The following ADAMTSL1 variants were observed in gnomAD, a reference collection of about 807,000 sequenced individuals.
The protein encoded by ADAMTSL1 is ADAMTS like 1.
ADAMTSL1 carries 126 observed loss-of-function variants against 201.8 expected under a neutral mutation model. That is an observed-to-expected ratio of 0.62 (90% CI 0.54 to 0.72). The LOEUF (loss-of-function observed/expected upper bound fraction) is 0.72, where lower values mean the gene tolerates loss of function less well. Among genes scored for constraint, ADAMTSL1 ranks in the 30% least tolerant of loss-of-function variants. The probability of loss-of-function intolerance (pLI) is 0.00; values close to 1 mark genes in which losing one functional copy is unlikely to be tolerated. For synonymous variants in ADAMTSL1, 1,121 were observed against 903.4 expected (o/e 1.24, Z -4.32); for missense variants, 2,679 against 2,277.8 (o/e 1.18, Z -3.59).
rs201140119 is a variant in ADAMTSL1 at position 18,205,840 on chromosome 9, G to A, written c.207+41859G>A. 1.3e-4 allele frequency among the ~76,000 whole-genome samples: 20 copies of A among 152,012 alleles called. No individual in the cohort carries two copies. The East Asian group carries it at 3.9e-3, about 29-fold the overall frequency. On this transcript the variant is annotated intron_variant, in intron 2 of 29. Coordinates refer to the ADAMTSL1 transcript ENST00000680146. ...AGGCTGAGGTGAGTGGATCACCTGA[G>A]GTCAGGAGTTCGAGACCAGCCTGGG...
chr9:18,460,254 A>G (rs1820758653), intron 2 of ADAMTSL1, among the ~76,000 whole-genome samples: 1 of 152,220 alleles, frequency 6.6e-6, no homozygotes, highest in South Asian at 2.1e-4. Flanking sequence ...GTTTTTCAAA[A>G]TAGTAAATAA....
At chr9:18,217,880 A>G (rs1454345277) in intron 2 of ADAMTSL1, among the ~76,000 whole-genome samples, 1 of 152,036 alleles carries the variant, frequency 6.6e-6, no homozygotes, top group Non-Finnish European at 1.5e-5. Context: ...CCTTGAGGCA[A>G]TGTACGTGCT....
chr9:18,395,556 T>A (rs1220142011), intron 2 of ADAMTSL1, among the ~76,000 whole-genome samples: 1 of 152,128 alleles, frequency 6.6e-6, no homozygotes, highest in Non-Finnish European at 1.5e-5. Flanking sequence ...TCTGATAGGG[T>A]ATTTATCTGG....
chr9:18,088,156 G>C (rs1192404714), intron 1 of ADAMTSL1, among the ~76,000 whole-genome samples: 1 of 152,154 alleles, frequency 6.6e-6, no homozygotes, highest in African/African-American at 2.4e-5. Context: ...GGAAAGGATA[G>C]TCTCTTCAAC....
At chr9:18,248,420 A>G (rs1003713742) in intron 2 of ADAMTSL1, among the ~76,000 whole-genome samples, 3 of 152,168 alleles carry the variant, frequency 2.0e-5, no homozygotes, top group African/African-American at 7.2e-5. Flanking sequence ...GTATTCAGCC[A>G]GTTCAGGAGC....
At position 18,498,338 on chromosome 9, in the gene ADAMTSL1, C is replaced by CT. The variant is rs1338838478; in HGVS notation, c.64-6476dup. ...GAAGTATCAATGTTCCCCCCACCCCCTTTTTTTTTTTTTTTGAGATGGGAT... is the reference window on the plus strand; with the variant it reads ...GAAGTATCAATGTTCCCCCCACCCCCTTTTTTTTTTTTTTTTGAGATGGGAT... On this transcript the variant is annotated intron_variant, in intron 1 of 28. Transcript: ENST00000380548. Among the ~76,000 whole-genome samples, 151 of 141,012 alleles carry CT rather than the reference C, an allele frequency of 1.1e-3. 1 individual carries two copies. Among genetic ancestry groups the CT allele is most frequent in the South Asian group, 2.9e-3 (12 of 4,086 alleles). The allele number at this position is 141,012 out of a possible 152,430, so 92.5% of individuals were successfully genotyped here.
chr9:18,052,798 G>T (rs1190666789), intron 1 of ADAMTSL1, among the ~76,000 whole-genome samples: 2 of 148,768 alleles, frequency 1.3e-5, no homozygotes, highest in African/African-American at 5.2e-5. Flanking sequence ...AGTGGGGGTG[G>T]GGGTGACATG....
At chr9:18,628,166 C>T (rs61306632) in intron 5 of ADAMTSL1, among the ~76,000 whole-genome samples, 2,826 of 147,532 alleles carry the variant, frequency 0.019, 48 homozygotes, top group African/African-American at 0.037. Context: ...CTAAGAACTT[C>T]TTGCCTAAGA....
chr9:17,984,817 A>T (rs796619291), intron 1 of ADAMTSL1, among the ~76,000 whole-genome samples: 2 of 152,270 alleles, frequency 1.3e-5, no homozygotes, highest in African/African-American at 4.8e-5. Context: ...GCTCTGATTT[A>T]GGCTTTTCCT....
At chr9:18,127,048 A>C (rs556111070) in intron 1 of ADAMTSL1, among the ~76,000 whole-genome samples, 1 of 152,272 alleles carries the variant, frequency 6.6e-6, no homozygotes, top group South Asian at 2.1e-4. Context: ...GCAGGGAGGC[A>C]GCTAGGAGTT....
intron 14 of ADAMTSL1, among the ~76,000 whole-genome samples, chr9:18,715,690 C>G (rs1044889010): frequency 6.6e-6 from 1 of 151,932 alleles, no homozygotes; most frequent in Non-Finnish European, 1.5e-5. Context: ...CAATGCCATC[C>G]CCATCAAGCT....
At chr9:18,639,662 C>T (rs930450531) in intron 7 of ADAMTSL1, among the ~76,000 whole-genome samples, 4 of 152,006 alleles carry the variant, frequency 2.6e-5, no homozygotes, top group Non-Finnish European at 5.9e-5. Context: ...AATAAAATAA[C>T]CCCACCTAAG....
At chr9:18,114,012 G>T (rs1056021938) in intron 1 of ADAMTSL1, among the ~76,000 whole-genome samples, 7 of 152,052 alleles carry the variant, frequency 4.6e-5, no homozygotes, top group Non-Finnish European at 1.5e-5. Flanking sequence ...GCGAAGAATG[G>T]AATAGAAGCT....
intron 23 of ADAMTSL1, 111 bp from the exon 24 acceptor site, chr9:18,887,720 A>T: frequency 1.0e-6 from 1 of 964,532 alleles, no homozygotes; most frequent in Admixed American, 2.2e-5. Flanking sequence ...TGCCACAGAC[A>T]AGGCCACATT....
chr9:17,928,557 G>T (rs1826648875), intron 1 of ADAMTSL1, among the ~76,000 whole-genome samples: 1 of 152,022 alleles, frequency 6.6e-6, no homozygotes, highest in Non-Finnish European at 1.5e-5. Flanking sequence ...TCAAGATAGG[G>T]GACAATATGT....
intron 4 of ADAMTSL1, among the ~76,000 whole-genome samples, chr9:18,588,412 G>C (rs2132458012): frequency 6.6e-6 from 1 of 152,124 alleles, no homozygotes; most frequent in East Asian, 1.9e-4. Context: ...CGTTCTGTAA[G>C]TTGGCTTTTC....
intron 2 of ADAMTSL1, among the ~76,000 whole-genome samples, chr9:18,413,778 C>T (rs1818555252): frequency 6.6e-6 from 1 of 152,174 alleles, no homozygotes; most frequent in South Asian, 2.1e-4. Context: ...CCTCACACAG[C>T]TTCCCGTCCC....
chr9:17,933,731 G>T (rs909552107), intron 1 of ADAMTSL1, among the ~76,000 whole-genome samples: 14 of 152,060 alleles, frequency 9.2e-5, no homozygotes, highest in African/African-American at 3.4e-4. Context: ...GAAAGGGGAG[G>T]TGCTACACAT....
intron 1 of ADAMTSL1, among the ~76,000 whole-genome samples, chr9:18,079,447 G>A (rs550778107): frequency 5.3e-5 from 8 of 152,084 alleles, no homozygotes; most frequent in African/African-American, 1.7e-4. Context: ...GGGAGGCCGA[G>A]GTGGGCGGAT....
Sources: gnomAD v4.1 joint callset for allele counts (sites outside exome capture counted in the v4.1 genomes callset) on GRCh38, gnomAD v4.1.1 for gene constraint, MANE v1.5 for transcripts, NCBI Gene and HGNC (gene_info 2026-07-23, HGNC 2026-07-21) for gene names.